Variants in CCDC66 observed in about 807,000 individuals in gnomAD.
The protein encoded by CCDC66 is coiled-coil domain-containing protein 66.
In CCDC66, 133 loss-of-function variants were observed where a neutral mutation model predicts 128.3. That is an observed-to-expected ratio of 1.04 (90% CI 0.90 to 1.20). The LOEUF is 1.20. Among genes scored for constraint, CCDC66 ranks in the 50% most tolerant of loss-of-function variants. CCDC66 has a pLI of 0.00. For synonymous variants in CCDC66, 387 were observed against 357.0 expected, an observed-to-expected ratio of 1.08 and a Z score of -0.95; for missense variants, 1,126 against 1,075.5, an observed-to-expected ratio of 1.05 and a Z score of -0.66.
rs1173523597 is a variant in CCDC66, at chr3:56,571,785, CAT to C, written c.936+485_936+486del. Among the ~76,000 whole-genome samples, 3 of 152,090 alleles carry C rather than the reference CAT, an allele frequency of 2.0e-5. No individual in the cohort carries two copies. The East Asian group carries it at 5.8e-4, about 29-fold the overall frequency. ...TCAGGCAGGTATGCAGTGGTGAAAA[CAT>C]AATTCCCTGCAGCCTTGAACTTCTG... On this transcript the variant is annotated intron_variant, in intron 7 of 17. Transcript: ENST00000394672.
At chr3:56,580,481 GTTGATGCAGTTT>G (rs2068161753) in intron 7 of CCDC66, among the ~76,000 whole-genome samples, 2 of 151,784 alleles carry the variant, frequency 1.3e-5, no homozygotes, top group Non-Finnish European at 2.9e-5. Context: ...TTGCTCATTA[GTTGATGCAGTTT>G]CTTCCTAGCC....
intron 3 of CCDC66, chr3:56,561,092 A>G: frequency 2.4e-6 from 1 of 421,622 alleles, no homozygotes; most frequent in Non-Finnish European, 4.7e-6. Flanking sequence ...TATACCATGT[A>G]TGCTCCCCAA....
At chr3:56,585,317 G>A (rs1269416681) in intron 7 of CCDC66, among the ~76,000 whole-genome samples, 2 of 151,586 alleles carry the variant, frequency 1.3e-5, no homozygotes, top group Admixed American at 1.3e-4. Context: ...AAAAAGACTT[G>A]GTATAACATT....
At chr3:56,590,634 C>G (rs1440189889) in intron 7 of CCDC66, among the ~76,000 whole-genome samples, 1 of 151,914 alleles carries the variant, frequency 6.6e-6, no homozygotes, top group African/African-American at 2.4e-5. Flanking sequence ...TGGTGTGCAT[C>G]TGTAGTCCCA....
intron 7 of CCDC66, among the ~76,000 whole-genome samples, chr3:56,589,053 T>A (rs1326496090): frequency 6.6e-6 from 1 of 152,090 alleles, no homozygotes; most frequent in Non-Finnish European, 1.5e-5. Flanking sequence ...AAGCCAAAAG[T>A]TAATTGTTTG....
chr3:56,620,317 T>C (rs2076242561), intron 17 of CCDC66: 1 of 154,694 alleles, frequency 6.5e-6, no homozygotes, highest in South Asian at 2.0e-4. Flanking sequence ...CAAATAGTAA[T>C]AAATTCAGTA....
At chr3:56,617,856 C>A in intron 14 of CCDC66, 1 of 570,134 alleles carries the variant, frequency 1.8e-6, no homozygotes, top group Non-Finnish European at 3.0e-6. Flanking sequence ...AACAATATGG[C>A]CCACAAAGCT....
chr3:56,582,849 T>TATTATTA (rs2068652784), intron 7 of CCDC66, among the ~76,000 whole-genome samples: 1 of 134,888 alleles, frequency 7.4e-6, no homozygotes, highest in Non-Finnish European at 1.6e-5. Context: ...CTCAACTTTC[T>TATTATTA]TTATTATTAT....
intron 11 of CCDC66, among the ~76,000 whole-genome samples, chr3:56,614,506 TA>T (rs2075257367): frequency 6.6e-6 from 1 of 152,214 alleles, no homozygotes; most frequent in Admixed American, 6.5e-5. Flanking sequence ...ATGGCCTTTT[TA>T]AAAAGTAGAT....
chr3:56,593,442 A>C, intron 8 of CCDC66, 49 bp from the exon 9 acceptor site: 1 of 1,585,386 alleles, frequency 6.3e-7, no homozygotes, highest in Non-Finnish European at 8.6e-7. Flanking sequence ...AGAATTATAT[A>C]TGAGAATAAT....
intron 12 of CCDC66, 27 bp downstream of exon 12, chr3:56,615,299 A>G (rs1316974221): frequency 1.9e-6 from 3 of 1,555,070 alleles, no homozygotes; most frequent in South Asian, 1.2e-5. Flanking sequence ...AACTTTATTT[A>G]TAATATTTTT....
intron 10 of CCDC66, among the ~76,000 whole-genome samples, chr3:56,606,367 C>T (rs2074069432): frequency 6.6e-6 from 1 of 152,040 alleles, no homozygotes; most frequent in South Asian, 2.1e-4. Context: ...GCACAAACGG[C>T]CGCCCAGTTT....
chr3:56,559,454 C>T (rs902950537), intron 2 of CCDC66, 115 bp from the exon 3 acceptor site: 9 of 645,824 alleles, frequency 1.4e-5, no homozygotes, highest in South Asian at 4.5e-5. Flanking sequence ...TTTATGCTTT[C>T]GAGGATAATG....
rs1415087331 is a variant in CCDC66, at chr3:56,613,723, A to AG, written c.1540dup (p.Asp514GlyfsTer4). The AG allele has an allele frequency of 1.9e-6, 3 of 1,609,740 alleles. No individual in the cohort carries two copies. Among genetic ancestry groups the AG allele is most frequent in the Non-Finnish European group, 2.5e-6 (3 of 1,178,656 alleles). Reference sequence around the variant, plus strand: ...AAGAGATGCAGAAACAGTATGAAGAAGACATACTTAAGCAAAAACAAAAGG... The same window carrying AG: ...AAGAGATGCAGAAACAGTATGAAGAAGGACATACTTAAGCAAAAACAAAAGG... On this transcript the variant is annotated frameshift_variant, in exon 11 of 18. Transcript: ENST00000394672. LOFTEE classifies it high-confidence loss of function.
intron 9 of CCDC66, 21 bp from the exon 10 acceptor site, chr3:56,593,923 C>T: frequency 1.2e-6 from 2 of 1,611,888 alleles, no homozygotes; most frequent in Non-Finnish European, 1.7e-6. Context: ...TTTTGAATAG[C>T]TAATGTATGT....
chr3:56,561,105 A>G (rs949694804), intron 3 of CCDC66: 31 of 423,884 alleles, frequency 7.3e-5, no homozygotes, highest in East Asian at 1.4e-4. Flanking sequence ...CTCCCCAATC[A>G]CAGACTACAG....
In CCDC66 at chr3:56,617,520, C is replaced by G. The variant is rs772162940; in HGVS notation, c.2252C>G (p.Ser751Cys). 3.1e-6 allele frequency: 5 copies of G among 1,613,078 alleles called. No homozygotes were observed. In the South Asian group the frequency reaches 4.4e-5, roughly 14 times the overall value. Residue 751 changes from serine to cysteine, a missense_variant, in exon 14 of 18, where the codon TCT becomes TGT. Physicochemically the swap from Ser to Cys is moderately radical, Grantham distance 112. Transcript: ENST00000394672. ...LVEKNNPGHL[S>C]QNRGISPEIF... ...GAAAAAAATAATCCTGGGCACCTCT[C>G]TCAAAACAGAGGCATTTCACCAGAA...
intron 11 of CCDC66, 86 bp downstream of exon 11, chr3:56,613,836 A>G: frequency 9.0e-7 from 1 of 1,116,194 alleles, no homozygotes; most frequent in South Asian, 1.5e-5. Flanking sequence ...GTTGGAGTGC[A>G]GTGGTGCAAT....
intron 7 of CCDC66, among the ~76,000 whole-genome samples, chr3:56,592,684 ATTGTT>A (rs1211515639): frequency 6.6e-6 from 1 of 151,992 alleles, no homozygotes; most frequent in Non-Finnish European, 1.5e-5. Flanking sequence ...AAGTCTTTTA[ATTGTT>A]TTGGAGAAAG....
Sources: gnomAD v4.1 joint callset for allele counts (sites outside exome capture counted in the v4.1 genomes callset) on GRCh38, gnomAD v4.1.1 for gene constraint, MANE v1.5 for transcripts, NCBI Gene and HGNC (gene_info 2026-07-23, HGNC 2026-07-21) for gene names.